Variants in CAMK1D observed in about 807,000 individuals in gnomAD.
CAMK1D encodes the protein calcium/calmodulin dependent protein kinase ID, also known as calcium/calmodulin-dependent protein kinase type 1D.
A neutral mutation model predicts 47.7 loss-of-function variants in CAMK1D; 9 were observed. That is an observed-to-expected ratio of 0.19 (90% CI 0.11 to 0.33). CAMK1D has a LOEUF of 0.33. CAMK1D is among the 10% of genes least tolerant of loss of function. The pLI is 1.00. For synonymous variants in CAMK1D, 184 were observed against 184.9 expected (o/e 0.99, Z 0.04); for missense variants, 291 against 488.7 (o/e 0.60, Z 3.81).
chr10:12,403,610 T>G (rs1296530708), intron 1 of CAMK1D, among the ~76,000 whole-genome samples: 3 of 152,192 alleles, frequency 2.0e-5, no homozygotes, highest in Non-Finnish European at 4.4e-5. Flanking sequence ...GATTTATTTT[T>G]CATTTATGAA....
chr10:12,555,844 T>C (rs1229334957), intron 2 of CAMK1D, among the ~76,000 whole-genome samples: 1 of 152,222 alleles, frequency 6.6e-6, no homozygotes, highest in Non-Finnish European at 1.5e-5. Flanking sequence ...TTTTTTAGCA[T>C]TATTTTTCAT....
At chr10:12,567,723 G>T (rs535050191) in intron 2 of CAMK1D, among the ~76,000 whole-genome samples, 1 of 152,248 alleles carries the variant, frequency 6.6e-6, no homozygotes, top group African/African-American at 2.4e-5. Context: ...TGAACGTGTG[G>T]TTTCTTTTTG....
intron 2 of CAMK1D, among the ~76,000 whole-genome samples, chr10:12,614,610 C>T (rs6602600): frequency 0.86 from 131,574 of 152,166 alleles, 59,021 homozygotes; most frequent in Non-Finnish European, 0.99. Flanking sequence ...TGTGTAATAA[C>T]TTTTGCCTTT....
intron 3 of CAMK1D, among the ~76,000 whole-genome samples, chr10:12,737,803 A>C (rs1349414020): frequency 6.6e-6 from 1 of 152,226 alleles, no homozygotes; most frequent in East Asian, 1.9e-4. Flanking sequence ...ATAAAATACT[A>C]TTAAGAATGC....
At chr10:12,500,957 A>G (rs1167457657) in intron 1 of CAMK1D, among the ~76,000 whole-genome samples, 1 of 152,184 alleles carries the variant, frequency 6.6e-6, no homozygotes, top group Non-Finnish European at 1.5e-5. Flanking sequence ...TTGGTGTTAT[A>G]TTTCCTCTTA....
At chr10:12,606,263 C>T (rs1365567771) in intron 2 of CAMK1D, among the ~76,000 whole-genome samples, 1 of 152,216 alleles carries the variant, frequency 6.6e-6, no homozygotes, top group Non-Finnish European at 1.5e-5. Context: ...GCCCCTCACA[C>T]ACAGCACCTA....
chr10:12,598,876 A>G (rs1838221458), intron 2 of CAMK1D, among the ~76,000 whole-genome samples: 2 of 152,224 alleles, frequency 1.3e-5, no homozygotes, highest in South Asian at 2.1e-4. Flanking sequence ...CGAGGCCTAC[A>G]AAGACCAAAA....
intron 3 of CAMK1D, among the ~76,000 whole-genome samples, chr10:12,747,226 T>A (rs1281687961): frequency 1.3e-5 from 2 of 151,982 alleles, no homozygotes; most frequent in Non-Finnish European, 2.9e-5. Context: ...GAGACGGGGT[T>A]TCACCGTGTT....
intron 3 of CAMK1D, among the ~76,000 whole-genome samples, chr10:12,717,541 A>G (rs1001433153): frequency 6.6e-6 from 1 of 152,038 alleles, no homozygotes; most frequent in African/African-American, 2.4e-5. Flanking sequence ...TCTCCACGAA[A>G]AAAAGATTTT....
intron 2 of CAMK1D, among the ~76,000 whole-genome samples, chr10:12,630,694 G>A (rs1839355279): frequency 6.6e-6 from 1 of 152,112 alleles, no homozygotes; most frequent in Non-Finnish European, 1.5e-5. Flanking sequence ...AAAGTGCTGG[G>A]ATTCGAGGCG....
At chr10:12,588,391 A>G (rs1044430024) in intron 2 of CAMK1D, among the ~76,000 whole-genome samples, 1 of 152,210 alleles carries the variant, frequency 6.6e-6, no homozygotes, top group East Asian at 1.9e-4. Flanking sequence ...AATGTAAATA[A>G]GAGGCACACC....
chr10:12,525,410 C>T (rs561401324), intron 1 of CAMK1D, among the ~76,000 whole-genome samples: 2 of 152,240 alleles, frequency 1.3e-5, no homozygotes, highest in African/African-American at 4.8e-5. Context: ...TATCTTTAAG[C>T]TCTTTTCACC....
chr10:12,674,492 T>C (rs904196092), intron 3 of CAMK1D, among the ~76,000 whole-genome samples: 3 of 152,148 alleles, frequency 2.0e-5, no homozygotes, highest in Non-Finnish European at 2.9e-5. Flanking sequence ...TAATTGCTAT[T>C]TCAATTCTGA....
At chr10:12,708,941 C>T (rs962184741) in intron 3 of CAMK1D, among the ~76,000 whole-genome samples, 4 of 152,214 alleles carry the variant, frequency 2.6e-5, no homozygotes, top group South Asian at 2.1e-4. Context: ...ACGCCCGACC[C>T]GGAGTTGCAT....
chr10:12,823,363 G>A (rs1169924304), intron 8 of CAMK1D, among the ~76,000 whole-genome samples: 1 of 152,102 alleles, frequency 6.6e-6, no homozygotes, highest in Non-Finnish European at 1.5e-5. Flanking sequence ...GAATAGTTTG[G>A]TGCTAGAGGG....
chr10:12,628,091 A>C (rs1345292938), intron 2 of CAMK1D, among the ~76,000 whole-genome samples: 5 of 145,368 alleles, frequency 3.4e-5, no homozygotes, highest in Non-Finnish European at 6.0e-5. Flanking sequence ...AAAAAAAAAC[A>C]AAAAACAAAA....
intron 1 of CAMK1D, among the ~76,000 whole-genome samples, chr10:12,423,535 G>A (rs73587067): frequency 0.011 from 1,632 of 152,090 alleles, 26 homozygotes; most frequent in African/African-American, 0.037. Flanking sequence ...AGAAAGAAAG[G>A]CCCCTTCAAT....
chr10:12,528,207 C>G (rs937012832), intron 1 of CAMK1D, among the ~76,000 whole-genome samples: 2 of 152,128 alleles, frequency 1.3e-5, no homozygotes, highest in African/African-American at 4.8e-5. Context: ...GGCTGTATGG[C>G]TCAAAAGTCC....
chr10:12,422,434 C>T (rs549331098), intron 1 of CAMK1D, among the ~76,000 whole-genome samples: 24 of 152,146 alleles, frequency 1.6e-4, no homozygotes, highest in Non-Finnish European at 2.6e-4. Context: ...TTGCAGGCGG[C>T]CCATGCCTGG....
Sources: allele counts gnomAD v4.1 joint callset (sites outside exome capture counted in the v4.1 genomes callset), GRCh38; gene constraint gnomAD v4.1.1; transcripts MANE v1.5; gene names NCBI Gene and HGNC (gene_info 2026-07-23, HGNC 2026-07-21).